GALNT14: variants seen among roughly 807,000 people sequenced by gnomAD.
The protein encoded by GALNT14 is UDP-GalNAc:polypeptide N-acetylgalactosaminyltransferase 14.
In GALNT14, 60 loss-of-function variants were observed where a neutral mutation model predicts 77.5. The ratio of observed to expected loss-of-function variants is 0.77; its 90% CI spans 0.63 to 0.96. GALNT14 has a LOEUF of 0.96. Among genes scored for constraint, GALNT14 ranks in the 40% least tolerant of loss-of-function variants. GALNT14 has a pLI of 0.00. For missense variants in GALNT14, 710 were observed against 731.0 expected (o/e 0.97, Z 0.33); for synonymous variants, 280 against 281.7 (o/e 0.99, Z 0.06).
chr2:30,956,112 C>T, intron 4 of GALNT14, 135 bp from the exon 5 acceptor site: 1 of 803,140 alleles, frequency 1.2e-6, no homozygotes, highest in Non-Finnish European at 2.1e-6. Context: ...GAGTGCAGTC[C>T]TGACTCCAGG....
intron 1 of GALNT14, among the ~76,000 whole-genome samples, chr2:31,109,571 GA>G (rs1379561594): frequency 2.0e-5 from 3 of 152,208 alleles, no homozygotes; most frequent in Non-Finnish European, 1.5e-5. Flanking sequence ...CAGTGAAAAT[GA>G]AATACACATA....
intron 1 of GALNT14, among the ~76,000 whole-genome samples, chr2:31,079,814 C>T (rs1991105): frequency 0.53 from 81,195 of 152,042 alleles, 22,482 homozygotes; most frequent in African/African-American, 0.68. Context: ...CCATTCTGGG[C>T]AGAGTGTGGC....
chr2:31,128,636 C>T (rs533683489), intron 1 of GALNT14, among the ~76,000 whole-genome samples: 2 of 152,174 alleles, frequency 1.3e-5, no homozygotes, highest in Non-Finnish European at 2.9e-5. Context: ...ACCCTGCAGG[C>T]CCAGGAGGGA....
intron 1 of GALNT14, among the ~76,000 whole-genome samples, chr2:31,028,506 G>C (rs1241651974): frequency 6.6e-6 from 1 of 152,222 alleles, no homozygotes; most frequent in Non-Finnish European, 1.5e-5. Context: ...GGTTAGCGGG[G>C]CTCCCTCCAT....
intron 2 of GALNT14, among the ~76,000 whole-genome samples, chr2:30,978,862 C>T (rs1668807237): frequency 6.6e-6 from 1 of 152,164 alleles, no homozygotes; most frequent in Admixed American, 6.5e-5. Context: ...CTGATGTCTG[C>T]AATGCACAGC....
chr2:30,902,995 T>C, the GALNT14 span, among the ~76,000 whole-genome samples: 1 of 152,146 alleles, frequency 6.6e-6, no homozygotes, highest in Non-Finnish European at 1.5e-5. Context: ...ATGTCTTCTA[T>C]AGATGGCTTG....
the GALNT14 span, among the ~76,000 whole-genome samples, chr2:30,898,503 C>T: frequency 6.6e-6 from 1 of 152,186 alleles, no homozygotes; most frequent in African/African-American, 2.4e-5. Context: ...AATTATGAGA[C>T]AGGTGTGATT....
the GALNT14 span, among the ~76,000 whole-genome samples, chr2:30,889,651 C>T: frequency 1.3e-5 from 2 of 152,166 alleles, no homozygotes; most frequent in African/African-American, 4.8e-5. Context: ...GAGTGGCAGA[C>T]CTGGGACTCA....
At chr2:30,977,280 A>G (rs186599725) in intron 2 of GALNT14, among the ~76,000 whole-genome samples, 1,642 of 152,142 alleles carry the variant, frequency 0.011, 32 homozygotes, top group African/African-American at 0.038. Context: ...TAGTAGAGAC[A>G]GGGTTTCACC....
chr2:30,962,037 A>G (rs1667725401), intron 3 of GALNT14, among the ~76,000 whole-genome samples: 2 of 152,050 alleles, frequency 1.3e-5, no homozygotes, highest in African/African-American at 2.4e-5. Flanking sequence ...CTGTGTTTTA[A>G]TAAGCCCTCC....
chr2:30,959,151 C>T (rs1419998042), intron 3 of GALNT14, among the ~76,000 whole-genome samples: 1 of 152,106 alleles, frequency 6.6e-6, no homozygotes, highest in African/African-American at 2.4e-5. Flanking sequence ...CCACAAGGAC[C>T]AGTTTGAATG....
chr2:30,990,948 A>T (rs771563726), intron 2 of GALNT14, among the ~76,000 whole-genome samples: 5 of 152,122 alleles, frequency 3.3e-5, no homozygotes, highest in Admixed American at 6.5e-5. Context: ...GACGGAACAC[A>T]CTGGGCTAGG....
chr2:30,948,384 T>G (rs549755153), intron 6 of GALNT14, among the ~76,000 whole-genome samples: 9 of 152,358 alleles, frequency 5.9e-5, no homozygotes, highest in Non-Finnish European at 1.3e-4. Context: ...CCTGGGGCTG[T>G]GGGCTACACC....
chr2:30,909,185 C>T (rs1207707729), downstream of GALNT14, among the ~76,000 whole-genome samples: 1 of 150,898 alleles, frequency 6.6e-6, no homozygotes, highest in Non-Finnish European at 1.5e-5. Flanking sequence ...AAAGCAATGG[C>T]AACAAAAGCC....
chr2:30,915,163 C>T (rs1004728448), intron 13 of GALNT14, among the ~76,000 whole-genome samples: 1 of 87,118 alleles, frequency 1.1e-5, no homozygotes, highest in Non-Finnish European at 2.1e-5. Context: ...TTTGGCATTT[C>T]TTCTTTTTTA....
chr2:31,060,891 T>G (rs542280307), intron 1 of GALNT14, among the ~76,000 whole-genome samples: 1 of 152,208 alleles, frequency 6.6e-6, no homozygotes, highest in Non-Finnish European at 1.5e-5. Flanking sequence ...TGTGATGGGC[T>G]TCTATGGCCA....
chr2:31,101,133 TTTAAAATGA>T (rs1677254833), intron 1 of GALNT14, among the ~76,000 whole-genome samples: 1 of 152,044 alleles, frequency 6.6e-6, no homozygotes, highest in Non-Finnish European at 1.5e-5. Context: ...ATTTTTTAAT[TTTAAAATGA>T]TCATTGAAGT....
At chr2:31,010,752 C>T (rs374440587) in intron 1 of GALNT14, among the ~76,000 whole-genome samples, 1 of 152,350 alleles carries the variant, frequency 6.6e-6, no homozygotes, top group East Asian at 1.9e-4. Flanking sequence ...ACTCTCCACA[C>T]TTACCCCTCC....
chr2:30,889,091 T>C, the GALNT14 span, among the ~76,000 whole-genome samples: 1 of 152,084 alleles, frequency 6.6e-6, no homozygotes, highest in African/African-American at 2.4e-5. Context: ...GGCTGTGTCC[T>C]TTTCAGAGTT....
Sources: gnomAD v4.1 joint callset for allele counts (sites outside exome capture counted in the v4.1 genomes callset) on GRCh38, gnomAD v4.1.1 for gene constraint, MANE v1.5 for transcripts, NCBI Gene and HGNC (gene_info 2026-07-23, HGNC 2026-07-21) for gene names.